SNRK: variants seen among roughly 807,000 people sequenced by gnomAD.
SNRK encodes SNF-related serine/threonine-protein kinase.
In SNRK, 3 loss-of-function variants were observed where a neutral mutation model predicts 48.2. The ratio of observed to expected loss-of-function variants is 0.06; its 90% CI spans 0.03 to 0.16. The LOEUF (loss-of-function observed/expected upper bound fraction) is 0.16. Among genes scored for constraint, SNRK ranks in the 10% least tolerant of loss-of-function variants. The pLI is 1.00. For missense variants in SNRK, 627 were observed against 976.0 expected, an observed-to-expected ratio of 0.64 and a Z score of 4.76; for synonymous variants, 376 against 366.1, an observed-to-expected ratio of 1.03 and a Z score of -0.31.
chr3:43,291,938 C>T (rs2090815487), intron 1 of SNRK, among the ~76,000 whole-genome samples: 1 of 152,220 alleles, frequency 6.6e-6, no homozygotes, highest in African/African-American at 2.4e-5. Flanking sequence ...ACCTCATTGG[C>T]TTGGCCCTGC....
rs574688261 is a variant in SNRK at position 43,319,046 on chromosome 3, A to C, written c.590-13123A>C. On this transcript the variant is annotated intron_variant, in intron 3 of 6. Coordinates refer to ENST00000296088, the MANE Select transcript of SNRK (RefSeq NM_017719.5). ...TTGTCTCAAAAAAAAAAAAAAAAAGAATCAGTTTGTTTGTTTATATGCAGG... is the reference window on the plus strand; with the variant it reads ...TTGTCTCAAAAAAAAAAAAAAAAAGCATCAGTTTGTTTGTTTATATGCAGG... Among the ~76,000 whole-genome samples the C allele has an allele frequency of 3.3e-5, 5 of 150,924 alleles. No homozygotes were observed. In the East Asian group the frequency reaches 9.8e-4, roughly 29 times the overall value.
At chr3:43,296,430 A>ATACATATATATATATG (rs2090855783) in intron 1 of SNRK, among the ~76,000 whole-genome samples, 1 of 146,080 alleles carries the variant, frequency 6.8e-6, no homozygotes, top group African/African-American at 2.5e-5. Flanking sequence ...ATATATATAT[A>ATACATATATATATATG]TATGTATATA....
chr3:43,319,562 T>C (rs1230884381), intron 3 of SNRK, among the ~76,000 whole-genome samples: 1 of 152,158 alleles, frequency 6.6e-6, no homozygotes, highest in East Asian at 1.9e-4. Flanking sequence ...TCTTTGGAAT[T>C]GGATGGGGCG....
At chr3:43,295,192 C>T (rs1192920265) in intron 1 of SNRK, among the ~76,000 whole-genome samples, 4 of 152,194 alleles carry the variant, frequency 2.6e-5, no homozygotes, top group African/African-American at 9.7e-5. Flanking sequence ...ATACTAAGTA[C>T]TGTACATCAG....
chr3:43,348,505 A>C lies in SNRK; in HGVS notation c.2246A>C (p.Lys749Thr). Residue 749 changes from lysine (K) to threonine (T), a missense_variant, in exon 7 of 7, where the codon AAG (lysine) becomes ACG (threonine). Physicochemically the swap from Lys to Thr is moderately conservative, Grantham distance 78. Coordinates refer to ENST00000296088, the MANE Select transcript of SNRK (RefSeq NM_017719.5). ...TISVNIQRNP[K>T]EGLLCASSPA... is the part of the protein sequence containing the mutation. ...TCTGTGAACATCCAGCGGAACCCTA[A>C]GGAGGGGCTGCTGTGCGCATCCAGC... is the stretch of plus-strand genomic sequence containing the variant. The C allele has an allele frequency of 6.3e-7, 1 of 1,576,472 alleles. No homozygotes were observed. The highest frequency in any genetic ancestry group is 8.6e-7 in the Non-Finnish European group (1 of 1,163,538).
Position 43,349,171 on chromosome 3 carries a change from T to C in SNRK, c.*614T>C, listed in dbSNP as rs1181464367. On this transcript the variant is annotated 3_prime_UTR_variant, in exon 7 of 7. Transcript: ENST00000296088. ...TATAGTGTAAAAACAAAGTTTGGGC[T>C]CTGAAAATTTAACTGAAAAAGATTT... 6.6e-6 allele frequency: 1 copy of C among 152,668 alleles called. No homozygotes were observed. The highest frequency in any genetic ancestry group is 6.5e-5 in the Admixed American group (1 of 15,282). 9.5% of individuals were successfully genotyped at this position (152,668 alleles called of 1,614,324 possible). A position where few individuals can be genotyped will look rare whatever the true frequency, so the allele number is the denominator to read the frequency against.
intron 6 of SNRK, among the ~76,000 whole-genome samples, chr3:43,345,980 G>A (rs1380000443): frequency 6.6e-6 from 1 of 152,178 alleles, no homozygotes; most frequent in Non-Finnish European, 1.5e-5. Flanking sequence ...GACTGTGTCC[G>A]GGGCCTGTCT....
intron 4 of SNRK, among the ~76,000 whole-genome samples, chr3:43,335,613 A>C (rs2091181781): frequency 6.6e-6 from 1 of 152,150 alleles, no homozygotes; most frequent in African/African-American, 2.4e-5. Flanking sequence ...AATTATTTGC[A>C]TCCTGTATGA....
intron 3 of SNRK, among the ~76,000 whole-genome samples, chr3:43,308,562 C>G (rs1353638351): frequency 6.6e-6 from 1 of 152,172 alleles, no homozygotes; most frequent in African/African-American, 2.4e-5. Context: ...ACAACAAAGC[C>G]TGAATGACAA....
chr3:43,318,365 AT>A (rs1168045580), intron 3 of SNRK, among the ~76,000 whole-genome samples: 4 of 151,934 alleles, frequency 2.6e-5, no homozygotes, highest in Non-Finnish European at 4.4e-5. Context: ...ATAAAAAAAA[AT>A]GAAAGTCTTG....
In SNRK at chr3:43,350,684, T is replaced by C. The variant is rs1170650137; in HGVS notation, c.*2127T>C. On this transcript the variant is annotated 3_prime_UTR_variant, in exon 7 of 7. Coordinates refer to ENST00000296088, the MANE Select transcript of SNRK (RefSeq NM_017719.5). Reference sequence around the variant, plus strand: ...TGCATGTTTTGTATGTCATAGTATGTCGTCACATAAAAGGGAGGGAGCGAA... The same window carrying C: ...TGCATGTTTTGTATGTCATAGTATGCCGTCACATAAAAGGGAGGGAGCGAA... The C allele has an allele frequency of 6.6e-6, 1 of 152,616 alleles. No homozygotes were observed. The highest frequency in any genetic ancestry group is 2.4e-5 in the African/African-American group (1 of 41,442). 9.5% of individuals were successfully genotyped at this position (152,616 alleles called of 1,614,324 possible).
In SNRK at chr3:43,347,081, T is replaced by C; in HGVS notation, c.1080-258T>C. The C allele has an allele frequency of 2.4e-6, 1 of 411,506 alleles. No individual in the cohort carries two copies. The highest frequency in any genetic ancestry group is 6.0e-5 in the South Asian group (1 of 16,662). 25.5% of individuals were successfully genotyped at this position (411,506 alleles called of 1,614,324 possible). ...GTATAGAAAAGATGGAGTAGCTCTT[T>C]GCCCTATTTTCTTTTCTGACACCTG... On this transcript the variant is annotated intron_variant, in intron 6 of 6. Transcript: ENST00000296088. The surrounding 1 kb of genome is among the most constrained non-coding windows in gnomAD (Gnocchi z 5.4).
intron 2 of SNRK, among the ~76,000 whole-genome samples, chr3:43,302,037 T>C (rs1004800857): frequency 6.6e-6 from 1 of 152,238 alleles, no homozygotes; most frequent in Non-Finnish European, 1.5e-5. Context: ...AAAAACCAAA[T>C]GATTTTTAAG....
chr3:43,348,077 C>A lies in SNRK; in HGVS notation c.1818C>A (p.Gly606=). Residue 606 remains glycine (G), a synonymous_variant, in exon 7 of 7, where the codon GGC becomes GGA. Coordinates refer to ENST00000296088, the MANE Select transcript of SNRK (RefSeq NM_017719.5). ...CCAGTGAGAACAATGCTGGTGGGGG[C>A]AGTCCCTCCAGCGGCTCGGGTGGCA... is the stretch of plus-strand genomic sequence containing the variant. ...ASPSENNAGG[G]SPSSGSGGNP... is the part of the protein sequence containing the mutation. The A allele has an allele frequency of 6.3e-7, 1 of 1,597,092 alleles. No homozygotes were observed. Among genetic ancestry groups the A allele is most frequent in the Non-Finnish European group, 8.5e-7 (1 of 1,171,530 alleles).
At chr3:43,291,448 G>A (rs1480839974) in intron 1 of SNRK, among the ~76,000 whole-genome samples, 4 of 152,094 alleles carry the variant, frequency 2.6e-5, no homozygotes, top group Non-Finnish European at 5.9e-5. Flanking sequence ...TAGAGGATGA[G>A]GTTACTGATA....
intron 5 of SNRK, 151 bp downstream of exon 5, chr3:43,340,650 C>T: frequency 2.9e-6 from 2 of 688,684 alleles, no homozygotes; most frequent in South Asian, 4.0e-5. Flanking sequence ...GTTCTTGGCC[C>T]AGGGCCTGAC....
At chr3:43,324,693 GT>G (rs2091081632) in intron 3 of SNRK, among the ~76,000 whole-genome samples, 1 of 152,098 alleles carries the variant, frequency 6.6e-6, no homozygotes, top group Non-Finnish European at 1.5e-5. Flanking sequence ...CAACCAGGTT[GT>G]GTATTTATTG....
intron 3 of SNRK, among the ~76,000 whole-genome samples, chr3:43,321,034 C>T (rs1405490397): frequency 2.7e-5 from 4 of 148,438 alleles, no homozygotes; most frequent in Admixed American, 6.8e-5. Flanking sequence ...TAGATTAGTT[C>T]TAGTTTTGTA....
chr3:43,320,713 T>C (rs541400375), intron 3 of SNRK, among the ~76,000 whole-genome samples: 218 of 152,216 alleles, frequency 1.4e-3, no homozygotes, highest in African/African-American at 3.6e-3. Flanking sequence ...TAATAAGATA[T>C]TCTACCAAAA....
Sources: gnomAD v4.1 joint callset for allele counts (sites outside exome capture counted in the v4.1 genomes callset) on GRCh38, gnomAD v4.1.1 for gene constraint, Gnocchi (gnomAD v3.1) non-coding constraint, MANE v1.5 for transcripts, NCBI Gene and HGNC (gene_info 2026-07-23, HGNC 2026-07-21) for gene names.